RGS3: variants seen among roughly 807,000 people sequenced by gnomAD.
RGS3 encodes the protein regulator of G-protein signalling 3.
Under a neutral mutation model 132.6 loss-of-function variants are expected in RGS3, and 80 were observed. The observed-to-expected ratio is 0.60, with a 90% CI of 0.50 to 0.73. The LOEUF (loss-of-function observed/expected upper bound fraction) is 0.73. Ranked by LOEUF, RGS3 falls within the 30% of genes least tolerant of loss-of-function variation. The pLI, the probability that RGS3 is intolerant of heterozygous loss-of-function variation, is 0.00. For missense variants in RGS3, 1,382 were observed against 1,530.8 expected (o/e 0.90, Z 1.62); for synonymous variants, 598 against 620.6 (o/e 0.96, Z 0.54).
At chr9:113,543,573 C>T (rs1832988547) in intron 19 of RGS3, among the ~76,000 whole-genome samples, 1 of 152,238 alleles carries the variant, frequency 6.6e-6, no homozygotes. Context: ...CAGCAAGCTG[C>T]ACTTTGATTT....
intron 3 of RGS3, among the ~76,000 whole-genome samples, chr9:113,465,137 C>T (rs1171933038): frequency 1.3e-5 from 2 of 152,150 alleles, no homozygotes; most frequent in East Asian, 3.9e-4. Context: ...TCCTGCTAAC[C>T]CCATTGGGAT....
At chr9:113,582,186 A>G in intron 19 of RGS3, 1 of 985,428 alleles carries the variant, frequency 1.0e-6, no homozygotes, top group African/African-American at 1.7e-5. Flanking sequence ...CAGGGCTTCA[A>G]AGACTTCTCA....
chr9:113,461,584 C>A, intron 1 of RGS3: 1 of 1,010,216 alleles, frequency 9.9e-7, no homozygotes, highest in Non-Finnish European at 1.5e-6. Flanking sequence ...TGCAATCTTC[C>A]AACTGAATAT....
At chr9:113,536,701 C>A (rs1308183899) in intron 18 of RGS3, 95 bp from the exon 17 acceptor site, 5 of 1,542,150 alleles carry the variant, frequency 3.2e-6, no homozygotes, top group Non-Finnish European at 4.4e-6. Context: ...GCTGCAGCCT[C>A]ACCCTCTGGA....
intron 2 of RGS3, chr9:113,462,018 C>A: frequency 6.2e-7 from 1 of 1,612,736 alleles, no homozygotes; most frequent in Non-Finnish European, 8.5e-7. Flanking sequence ...CTTGCTCCTG[C>A]AGGTCTGCCA....
chr9:113,482,965 G>T (rs148565639), intron 4 of RGS3, 94 bp from the exon 3 acceptor site: 1 of 1,602,964 alleles, frequency 6.2e-7, no homozygotes, highest in East Asian at 2.2e-5. Context: ...CTCTTTATTC[G>T]TGTGGATGGA....
intron 18 of RGS3, chr9:113,536,507 G>A (rs572319500): frequency 6.3e-4 from 691 of 1,093,742 alleles, no homozygotes; most frequent in Middle Eastern, 3.2e-3. Flanking sequence ...TGACCTCATC[G>A]GCTCTGTCCT....
At chr9:113,583,962 C>T (rs373320431) in exon 20 of RGS3, 6 of 1,614,090 alleles carry the variant, frequency 3.7e-6, no homozygotes, top group Admixed American at 1.7e-5. Context: ...CTGCGGCCCC[C>T]AGGCCAGCCT....
chr9:113,578,224 A>G (rs1834626232), intron 19 of RGS3, among the ~76,000 whole-genome samples: 3 of 152,186 alleles, frequency 2.0e-5, no homozygotes, highest in Non-Finnish European at 4.4e-5. Flanking sequence ...GGTGAAATTC[A>G]GGGAGGGAGA....
In RGS3 at chr9:113,483,898, C is replaced by T. The variant is rs1469253112; in HGVS notation, c.526-240C>T. ...AGTTGTACCCCAGCTCTGGCTGGGC[C>T]GTGGCTGCCTTTTTGGTACCACCCA... On this transcript the variant is annotated intron_variant, in intron 5 of 24. Coordinates refer to ENST00000350696, the Ensembl canonical transcript of RGS3. 2.0e-5 allele frequency among the ~76,000 whole-genome samples: 3 copies of T among 152,128 alleles called. No homozygotes were observed. The East Asian group carries it at 5.8e-4, about 29-fold the overall frequency.
intron 19 of RGS3, among the ~76,000 whole-genome samples, chr9:113,572,986 A>T (rs1156744869): frequency 2.6e-5 from 4 of 152,264 alleles, no homozygotes; most frequent in Admixed American, 2.6e-4. Context: ...GATGTCGATG[A>T]TCGTCATGAG....
chr9:113,595,299 C>T (rs1835707253), intron 23 of RGS3, among the ~76,000 whole-genome samples: 1 of 152,212 alleles, frequency 6.6e-6, no homozygotes, highest in African/African-American at 2.4e-5. Context: ...GCCAAATGTG[C>T]CTGCCATCTC....
intron 20 of RGS3, among the ~76,000 whole-genome samples, chr9:113,585,312 T>C (rs1002402408): frequency 6.6e-6 from 1 of 152,206 alleles, no homozygotes. Context: ...AGTTTTCTTC[T>C]CTGAAAAGTA....
chr9:113,580,100 C>T (rs572086094), intron 19 of RGS3, among the ~76,000 whole-genome samples: 1 of 152,382 alleles, frequency 6.6e-6, no homozygotes, highest in South Asian at 2.1e-4. Context: ...CCTTACCAAA[C>T]CTGCACGCAG....
At chr9:113,569,874 G>T (rs998973705) in intron 19 of RGS3, among the ~76,000 whole-genome samples, 1 of 152,140 alleles carries the variant, frequency 6.6e-6, no homozygotes, top group Non-Finnish European at 1.5e-5. Flanking sequence ...CCTACAAGAG[G>T]TGAAGCTGCA....
chr9:113,547,364 A>C (rs1833158247), intron 19 of RGS3, among the ~76,000 whole-genome samples: 1 of 152,206 alleles, frequency 6.6e-6, no homozygotes, highest in Non-Finnish European at 1.5e-5. Context: ...TCCTCATCAC[A>C]GACACCCAAA....
At chr9:113,559,466 A>G (rs1833703866) in intron 19 of RGS3, among the ~76,000 whole-genome samples, 1 of 152,216 alleles carries the variant, frequency 6.6e-6, no homozygotes, top group African/African-American at 2.4e-5. Context: ...CCTCTGGGCT[A>G]GCTCTGTAGG....
At chr9:113,521,249 C>T (rs769801598) in intron 16 of RGS3, among the ~76,000 whole-genome samples, 3 of 152,166 alleles carry the variant, frequency 2.0e-5, no homozygotes, top group South Asian at 2.1e-4. Flanking sequence ...CCTTCAAGGA[C>T]GTCTCCCTGT....
intron 10 of RGS3, chr9:113,501,598 T>C: frequency 6.4e-7 from 1 of 1,560,110 alleles, no homozygotes; most frequent in Non-Finnish European, 8.6e-7. Context: ...CAATGGGCTC[T>C]GCAAGGTGTG....
Sources: gnomAD v4.1 joint callset for allele counts (sites outside exome capture counted in the v4.1 genomes callset) on GRCh38, gnomAD v4.1.1 for gene constraint, MANE v1.5 for transcripts, NCBI Gene and HGNC (gene_info 2026-07-23, HGNC 2026-07-21) for gene names.